IRAK2: variants seen among roughly 807,000 people sequenced by gnomAD.
The protein encoded by IRAK2 is interleukin 1 receptor associated kinase 2.
A neutral mutation model predicts 72.0 loss-of-function variants in IRAK2; 57 were observed. The observed-to-expected ratio is 0.79, with a 90% CI of 0.64 to 0.99. IRAK2 has a LOEUF of 0.99. IRAK2 is among the 50% of genes least tolerant of loss of function. IRAK2 has a pLI of 0.00. For missense variants in IRAK2, 790 were observed against 794.4 expected (o/e 0.99, Z 0.07); for synonymous variants, 293 against 312.7 (o/e 0.94, Z 0.67).
chr3:10,227,025 A>G (rs1360716723), intron 10 of IRAK2, among the ~76,000 whole-genome samples: 1 of 152,002 alleles, frequency 6.6e-6, no homozygotes, highest in Non-Finnish European at 1.5e-5. Context: ...TCTATATATC[A>G]GGCAATTCAT....
intron 2 of IRAK2, among the ~76,000 whole-genome samples, chr3:10,185,367 G>A (rs1441903466): frequency 6.6e-6 from 1 of 150,504 alleles, no homozygotes; most frequent in Non-Finnish European, 1.5e-5. Flanking sequence ...GGACCAGCCT[G>A]ACCAACATGG....
intron 2 of IRAK2, among the ~76,000 whole-genome samples, chr3:10,184,757 C>T (rs562092725): frequency 1.4e-3 from 175 of 123,268 alleles, no homozygotes; most frequent in South Asian, 2.9e-3. Context: ...TGAGACGGAG[C>T]CTTGCTCTGT....
chr3:10,186,851 G>T (rs1258478095), intron 2 of IRAK2, among the ~76,000 whole-genome samples: 1 of 149,468 alleles, frequency 6.7e-6, no homozygotes, highest in Admixed American at 6.6e-5. Context: ...GAATGCAGTG[G>T]GGCAGTGGTA....
intron 7 of IRAK2, 22 bp from the exon 8 acceptor site, chr3:10,219,655 GTCC>G (rs1462299432): frequency 6.4e-7 from 1 of 1,564,950 alleles, no homozygotes; most frequent in Non-Finnish European, 8.8e-7. Flanking sequence ...GTGACTATTT[GTCC>G]TCCTGCTTTT....
At chr3:10,178,127 T>TAA in intron 2 of IRAK2, 107 bp downstream of exon 2, 1 of 917,930 alleles carries the variant, frequency 1.1e-6, no homozygotes, top group Admixed American at 2.9e-5. Flanking sequence ...CTCTTTTAAT[T>TAA]AAAAAATTTA....
chr3:10,222,288 G>C (rs946069672), intron 8 of IRAK2, among the ~76,000 whole-genome samples: 4 of 152,192 alleles, frequency 2.6e-5, no homozygotes, highest in Non-Finnish European at 5.9e-5. Flanking sequence ...GCCAGAGCTG[G>C]GGGTTGGAAC....
At chr3:10,207,958 C>A (rs1416984109) in intron 3 of IRAK2, among the ~76,000 whole-genome samples, 1 of 147,352 alleles carries the variant, frequency 6.8e-6, no homozygotes, top group Non-Finnish European at 1.5e-5. Flanking sequence ...TGCCACTGCA[C>A]TCCAGCCTGG....
chr3:10,216,945 C>G lies in IRAK2; in HGVS notation c.800C>G (p.Pro267Arg). 1.9e-6 allele frequency: 3 copies of G among 1,613,856 alleles called. No individual in the cohort carries two copies. The highest frequency in any genetic ancestry group is 2.2e-5 in the South Asian group (2 of 91,062). Residue 267 changes from proline (P) to arginine (R), a missense_variant, in exon 7 of 13, where the codon CCC (proline) becomes CGC (arginine). Physicochemically the swap from Pro to Arg is moderately radical, Grantham distance 103. Coordinates refer to ENST00000256458, the MANE Select transcript of IRAK2 (RefSeq NM_001570.4). ...ELQICLRCCHPNVLPVLGFCA... is the reference protein window; with the variant it reads ...ELQICLRCCHRNVLPVLGFCA... The stretch of plus-strand genomic sequence containing the variant: ...ACGCCCGATTCCAGATGCTGCCACC[C>G]CAATGTCTTACCTGTGCTGGGCTTC...
Position 10,226,425 on chromosome 3 carries a change from G to T in IRAK2, c.1264G>T (p.Val422Phe). 2 of 1,613,088 alleles carry T rather than the reference G, an allele frequency of 1.2e-6. No individual in the cohort carries two copies. Among genetic ancestry groups the T allele is most frequent in the South Asian group, 2.2e-5 (2 of 90,816 alleles). Residue 422 changes from valine (V) to phenylalanine (F), a missense_variant, in exon 10 of 13, where the codon GTT (valine) becomes TTT (phenylalanine). Transcript: ENST00000256458. The stretch of plus-strand genomic sequence containing the variant: ...TGCAATGGATAACAACCGAAGCCCG[G>T]TTTACCTGGTAAGGGAACTTGTCAC... ...IPAMDNNRSP[V>F]YLKDLLLSDI...
intron 2 of IRAK2, among the ~76,000 whole-genome samples, chr3:10,197,711 G>A (rs1697291927): frequency 6.7e-6 from 1 of 150,276 alleles, no homozygotes; most frequent in African/African-American, 2.4e-5. Flanking sequence ...AATTAGCCGG[G>A]TGTGGTGGTG....
At chr3:10,191,617 C>G (rs1021724562) in intron 2 of IRAK2, among the ~76,000 whole-genome samples, 1 of 152,090 alleles carries the variant, frequency 6.6e-6, no homozygotes, top group Non-Finnish European at 1.5e-5. Flanking sequence ...TGTTCCCTCT[C>G]CTTGGAATGC....
At chr3:10,187,108 T>G (rs1231580626) in intron 2 of IRAK2, among the ~76,000 whole-genome samples, 2 of 151,368 alleles carry the variant, frequency 1.3e-5, no homozygotes, top group African/African-American at 4.9e-5. Flanking sequence ...TGTTGGAGCA[T>G]TTTGGATTTC....
At chr3:10,165,589 G>C (rs935082329) in intron 1 of IRAK2, among the ~76,000 whole-genome samples, 4 of 152,042 alleles carry the variant, frequency 2.6e-5, no homozygotes, top group African/African-American at 9.7e-5. Flanking sequence ...TCCACCTCTG[G>C]GATTCAAGCG....
intron 1 of IRAK2, among the ~76,000 whole-genome samples, chr3:10,172,837 C>CAAAAAA (rs533137515): frequency 3.7e-5 from 2 of 53,954 alleles, no homozygotes; most frequent in Non-Finnish European, 6.3e-5. Flanking sequence ...GACTCTGTCT[C>CAAAAAA]AAAAAAAAAA....
chr3:10,164,966 C>G lies in IRAK2; in HGVS notation c.12C>G (p.Tyr4Ter). 6.2e-7 allele frequency: 1 copy of G among 1,610,548 alleles called. No individual in the cohort carries two copies. The highest frequency in any genetic ancestry group is 2.2e-5 in the East Asian group (1 of 44,754). Residue 4 changes from tyrosine to a stop codon, truncating the protein, a stop_gained, in exon 1 of 13, where the codon TAC becomes TAG. Transcript: ENST00000256458. LOFTEE classifies it high-confidence loss of function. MAC[Y>*]IYQLPSWVLD... ...CCCCGTAGCGTGCCATGGCCTGCTA[C>G]ATCTACCAGCTGCCCTCCTGGGTGC...
At position 10,224,370 on chromosome 3, in the gene IRAK2, G is replaced by A. The variant is rs570627819; in HGVS notation, c.1209+1539G>A. Among the ~76,000 whole-genome samples the A allele has an allele frequency of 6.6e-5, 10 of 151,708 alleles. No homozygotes were observed. In the South Asian group the frequency reaches 2.1e-3, roughly 32 times the overall value. Reference sequence around the variant, plus strand: ...AAAAAAAGAAAAAAAAGAACCAGGGGGATAGAACCCCTAGGCCCGGCTCAG... The same window carrying A: ...AAAAAAAGAAAAAAAAGAACCAGGGAGATAGAACCCCTAGGCCCGGCTCAG... On this transcript the variant is annotated intron_variant, in intron 9 of 12. Coordinates refer to ENST00000256458, the MANE Select transcript of IRAK2 (RefSeq NM_001570.4).
At chr3:10,211,231 TC>T (rs1697513434) in intron 4 of IRAK2, among the ~76,000 whole-genome samples, 1 of 151,884 alleles carries the variant, frequency 6.6e-6, no homozygotes, top group Non-Finnish European at 1.5e-5. Flanking sequence ...AACCTCTGGT[TC>T]CCCAGTTTAA....
chr3:10,174,454 G>A (rs887109321), intron 1 of IRAK2, among the ~76,000 whole-genome samples: 5 of 152,134 alleles, frequency 3.3e-5, no homozygotes, highest in Non-Finnish European at 5.9e-5. Context: ...TTTGTTATGT[G>A]GTCCTGGGCT....
chr3:10,213,667 C>G (rs951730174), intron 6 of IRAK2, 119 bp downstream of exon 6: 1 of 744,314 alleles, frequency 1.3e-6, no homozygotes, highest in Non-Finnish European at 2.3e-6. Flanking sequence ...TTACAAGAAC[C>G]CTATAAATGT....
Sources: allele counts gnomAD v4.1 joint callset (sites outside exome capture counted in the v4.1 genomes callset), GRCh38; gene constraint gnomAD v4.1.1; transcripts MANE v1.5; gene names NCBI Gene and HGNC (gene_info 2026-07-23, HGNC 2026-07-21).